Variants in SPOCK3 observed in about 807,000 individuals in gnomAD.
SPOCK3 encodes SPARC (osteonectin), cwcv and kazal like domains proteoglycan 3, also known as testican-3.
SPOCK3 carries 30 observed loss-of-function variants against 56.6 expected under a neutral mutation model. The ratio of observed to expected loss-of-function variants is 0.53; its 90% CI spans 0.40 to 0.72. The LOEUF (loss-of-function observed/expected upper bound fraction) is 0.72, where lower values mean the gene tolerates loss of function less well. Among genes scored for constraint, SPOCK3 ranks in the 30% least tolerant of loss-of-function variants. The probability of loss-of-function intolerance (pLI) is 0.00; values close to 1 mark genes in which losing one functional copy is unlikely to be tolerated. For synonymous variants in SPOCK3, 196 were observed against 183.3 expected (o/e 1.07, Z -0.56); for missense variants, 527 against 530.0 (o/e 0.99, Z 0.06).
Position 166,737,195 on chromosome 4 carries a change from T to C in SPOCK3, c.1132+272A>G, listed in dbSNP as rs138881182. Reference sequence around the variant, plus strand: ...CTGCTTTAGCTGAGAGGAAAAGAAGTACCTCAACAACTTTCTGAATTTGAA... The same window carrying C: ...CTGCTTTAGCTGAGAGGAAAAGAAGCACCTCAACAACTTTCTGAATTTGAA... On this transcript the variant is annotated intron_variant, in intron 10 of 10. Coordinates refer to ENST00000357545, the MANE Select transcript of SPOCK3 (RefSeq NM_001040159.2). 6.4e-3 allele frequency among the ~76,000 whole-genome samples: 975 copies of C among 152,250 alleles called. 8 individuals are homozygous for C. Among genetic ancestry groups the C allele is most frequent in the African/African-American group, 0.022 (913 of 41,560 alleles).
chr4:166,756,041 G>A (rs1737029636), intron 7 of SPOCK3, among the ~76,000 whole-genome samples: 1 of 34,512 alleles, frequency 2.9e-5, no homozygotes, highest in Non-Finnish European at 6.4e-5. Flanking sequence ...CACCGTGCGC[G>A]AGCCGAAGCA....
At chr4:167,097,878 A>T (rs1013387796) in intron 2 of SPOCK3, among the ~76,000 whole-genome samples, 3 of 152,024 alleles carry the variant, frequency 2.0e-5, no homozygotes, top group Non-Finnish European at 4.4e-5. Context: ...AAAAGAATCA[A>T]ATCATGTCAT....
chr4:166,737,632 A>G (rs1424485374), intron 9 of SPOCK3, 28 bp from the exon 10 acceptor site: 2 of 1,592,212 alleles, frequency 1.3e-6, no homozygotes, highest in East Asian at 2.3e-5. Flanking sequence ...AGGCATACAA[A>G]CACACACATG....
intron 3 of SPOCK3, among the ~76,000 whole-genome samples, chr4:167,026,198 C>T (rs1443979333): frequency 6.6e-6 from 1 of 151,952 alleles, no homozygotes; most frequent in Non-Finnish European, 1.5e-5. Context: ...CCATGCAGAG[C>T]CCTGTGTCGG....
intron 3 of SPOCK3, among the ~76,000 whole-genome samples, chr4:167,048,089 G>C (rs1753882963): frequency 1.3e-5 from 2 of 151,962 alleles, no homozygotes; most frequent in South Asian, 4.1e-4. Flanking sequence ...TCCATATATG[G>C]TTTCCTCTAG....
intron 7 of SPOCK3, among the ~76,000 whole-genome samples, chr4:166,765,796 A>G (rs1321369822): frequency 6.6e-6 from 1 of 152,160 alleles, no homozygotes; most frequent in Admixed American, 6.5e-5. Context: ...CATTTTTATG[A>G]TATTGATTCT....
At chr4:166,957,603 T>G (rs1743639136) in intron 4 of SPOCK3, among the ~76,000 whole-genome samples, 1 of 152,216 alleles carries the variant, frequency 6.6e-6, no homozygotes. Context: ...AAATATCTTG[T>G]GTATGCATCA....
chr4:167,163,453 C>G (rs1286775203), intron 2 of SPOCK3, among the ~76,000 whole-genome samples: 1 of 151,898 alleles, frequency 6.6e-6, no homozygotes, highest in Non-Finnish European at 1.5e-5. Context: ...ACCACTTATA[C>G]TCTTATTTCT....
chr4:167,017,560 C>T (rs896542623), intron 3 of SPOCK3, among the ~76,000 whole-genome samples: 2 of 152,112 alleles, frequency 1.3e-5, no homozygotes, highest in Non-Finnish European at 2.9e-5. Flanking sequence ...CCATGCCCAC[C>T]TTACACCCAG....
chr4:167,029,408 C>G (rs1446322000), intron 3 of SPOCK3, among the ~76,000 whole-genome samples: 2 of 151,998 alleles, frequency 1.3e-5, no homozygotes, highest in African/African-American at 4.8e-5. Context: ...GCATTTTACT[C>G]TATTCCCAGG....
intron 3 of SPOCK3, among the ~76,000 whole-genome samples, chr4:167,056,564 G>C (rs2150232379): frequency 6.6e-6 from 1 of 152,204 alleles, no homozygotes; most frequent in South Asian, 2.1e-4. Context: ...TGTATAACTA[G>C]AATAACCAAT....
At chr4:167,019,844 C>A (rs988856147) in intron 3 of SPOCK3, among the ~76,000 whole-genome samples, 12 of 151,960 alleles carry the variant, frequency 7.9e-5, no homozygotes, top group African/African-American at 2.9e-4. Flanking sequence ...CAATGTGTAC[C>A]AATTTTAGAC....
At chr4:167,219,999 AT>A (rs1236907715) in intron 2 of SPOCK3, among the ~76,000 whole-genome samples, 1 of 152,082 alleles carries the variant, frequency 6.6e-6, no homozygotes, top group Admixed American at 6.6e-5. Context: ...ATAGGATTTC[AT>A]TTTTTTAAGT....
At chr4:167,059,080 C>T (rs1755266593) in intron 3 of SPOCK3, among the ~76,000 whole-genome samples, 1 of 152,046 alleles carries the variant, frequency 6.6e-6, no homozygotes, top group African/African-American at 2.4e-5. Context: ...CCATTCAGGA[C>T]ATAGGCATGG....
In SPOCK3 at chr4:166,904,382, T is replaced by C. The variant is rs180834824; in HGVS notation, c.474+8238A>G. Among the ~76,000 whole-genome samples, 1,465 of 152,228 alleles carry C rather than the reference T, an allele frequency of 9.6e-3. 13 individuals are homozygous for C. Among genetic ancestry groups the C allele is most frequent in the Non-Finnish European group, 0.016 (1,078 of 67,980 alleles). On this transcript the variant is annotated intron_variant, in intron 5 of 10. Coordinates refer to ENST00000357545, the MANE Select transcript of SPOCK3 (RefSeq NM_001040159.2). ...TAACACACATTATGCAATCATGATATGTTAATTTCTTAAAAGAATATTTTG... is the reference window on the plus strand; with the variant it reads ...TAACACACATTATGCAATCATGATACGTTAATTTCTTAAAAGAATATTTTG...
At chr4:166,855,401 A>G (rs1182049236) in intron 6 of SPOCK3, among the ~76,000 whole-genome samples, 1 of 152,166 alleles carries the variant, frequency 6.6e-6, no homozygotes, top group African/African-American at 2.4e-5. Flanking sequence ...TTTTTCCCTA[A>G]AAGCAGCTGA....
chr4:167,211,755 C>T (rs994692461), intron 2 of SPOCK3, among the ~76,000 whole-genome samples: 2 of 152,078 alleles, frequency 1.3e-5, no homozygotes, highest in East Asian at 1.9e-4. Context: ...TGCCCAGTCT[C>T]GGGTATGTAT....
chr4:166,861,305 A>AG (rs2126909915), intron 6 of SPOCK3, among the ~76,000 whole-genome samples: 1 of 152,254 alleles, frequency 6.6e-6, no homozygotes, highest in Non-Finnish European at 1.5e-5. Context: ...GTTTAGGTTA[A>AG]GTAGCAACCA....
intron 3 of SPOCK3, among the ~76,000 whole-genome samples, chr4:167,016,179 A>G (rs1750600952): frequency 6.6e-6 from 1 of 152,136 alleles, no homozygotes. Flanking sequence ...TGCAAGCAAC[A>G]CAAATGGCTA....
Sources: gnomAD v4.1 joint callset for allele counts (sites outside exome capture counted in the v4.1 genomes callset) on GRCh38, gnomAD v4.1.1 for gene constraint, MANE v1.5 for transcripts, NCBI Gene and HGNC (gene_info 2026-07-23, HGNC 2026-07-21) for gene names.